Variants in LRMDA observed in about 807,000 individuals in gnomAD.
The protein encoded by LRMDA is leucine rich melanocyte differentiation associated.
In LRMDA, 18 loss-of-function variants were observed where a neutral mutation model predicts 29.8. The observed-to-expected ratio is 0.60, with a 90% CI of 0.42 to 0.90. The LOEUF is 0.90. Among genes scored for constraint, LRMDA ranks in the 40% least tolerant of loss-of-function variants. The pLI is 0.00. For synonymous variants in LRMDA, 125 were observed against 109.4 expected, an observed-to-expected ratio of 1.14 and a Z score of -0.89; for missense variants, 273 against 273.9, an observed-to-expected ratio of 1.00 and a Z score of 0.02.
At position 75,461,632 on chromosome 10, in the gene LRMDA, A is replaced by G. The variant is rs1844586896; in HGVS notation, c.131+23138A>G. 2.0e-5 allele frequency among the ~76,000 whole-genome samples: 3 copies of G among 152,314 alleles called. No homozygotes were observed. The South Asian group carries it at 6.2e-4, about 32-fold the overall frequency. Reference sequence around the variant, plus strand: ...ATAGGAGATGGAGGATGGGAGCTCAATGAGAAAAATAATCTTGAGCATCTT... The same window carrying G: ...ATAGGAGATGGAGGATGGGAGCTCAGTGAGAAAAATAATCTTGAGCATCTT... On this transcript the variant is annotated intron_variant, in intron 2 of 6. Coordinates refer to ENST00000611255, the MANE Select transcript of LRMDA (RefSeq NM_001305581.2).
chr10:75,626,771 T>C (rs1841255082), intron 2 of LRMDA, among the ~76,000 whole-genome samples: 1 of 152,202 alleles, frequency 6.6e-6, no homozygotes, highest in African/African-American at 2.4e-5. Context: ...ATCTTCTGCC[T>C]GTATGGCCTG....
chr10:75,625,332 G>A (rs550993780), intron 2 of LRMDA, among the ~76,000 whole-genome samples: 8 of 152,180 alleles, frequency 5.3e-5, no homozygotes, highest in South Asian at 2.1e-4. Context: ...GGAAACTGAG[G>A]CACAGACAGC....
chr10:75,451,711 C>G (rs529169278), intron 2 of LRMDA: 6 of 152,032 alleles, frequency 3.9e-5, no homozygotes, highest in African/African-American at 1.4e-4. Flanking sequence ...CATCCCCTAC[C>G]CTGCTTCTAA....
chr10:76,338,637 A>G (rs1840999362), intron 6 of LRMDA, among the ~76,000 whole-genome samples: 1 of 152,134 alleles, frequency 6.6e-6, no homozygotes, highest in South Asian at 2.1e-4. Flanking sequence ...GTTGGTACAA[A>G]TGTATTAAGT....
At chr10:75,876,151 G>C (rs1845194666) in intron 2 of LRMDA, among the ~76,000 whole-genome samples, 1 of 152,270 alleles carries the variant, frequency 6.6e-6, no homozygotes, top group Admixed American at 6.5e-5. Context: ...GGACCTGGTA[G>C]CAGGACACAT....
At chr10:75,720,443 A>G (rs1425503491) in intron 2 of LRMDA, among the ~76,000 whole-genome samples, 1 of 152,206 alleles carries the variant, frequency 6.6e-6, no homozygotes, top group African/African-American at 2.4e-5. Flanking sequence ...TTCTAAAATT[A>G]TTTCATGCAT....
chr10:76,058,833 G>A, intron 5 of LRMDA, 50 bp downstream of exon 5: 2 of 1,405,894 alleles, frequency 1.4e-6, no homozygotes, highest in Non-Finnish European at 2.0e-6. Context: ...TCTCATGGCA[G>A]TGCTTACACC....
At chr10:75,978,271 A>G (rs962388842) in intron 2 of LRMDA, among the ~76,000 whole-genome samples, 1 of 152,212 alleles carries the variant, frequency 6.6e-6, no homozygotes, top group Non-Finnish European at 1.5e-5. Context: ...TGATAATTTC[A>G]TGGTGTCATG....
chr10:75,685,884 C>T (rs184451524), intron 2 of LRMDA, among the ~76,000 whole-genome samples: 37 of 152,262 alleles, frequency 2.4e-4, no homozygotes, highest in South Asian at 4.2e-4. Context: ...TTGTATCTAT[C>T]GATTGCTTGA....
At chr10:76,041,405 A>G (rs915204230) in intron 3 of LRMDA, among the ~76,000 whole-genome samples, 1 of 152,212 alleles carries the variant, frequency 6.6e-6, no homozygotes, top group African/African-American at 2.4e-5. Context: ...ATCATGTACT[A>G]GCTGTGTGAC....
chr10:76,124,887 G>T (rs536566143), intron 5 of LRMDA, among the ~76,000 whole-genome samples: 1 of 152,226 alleles, frequency 6.6e-6, no homozygotes, highest in Non-Finnish European at 1.5e-5. Flanking sequence ...ATGAACAGCA[G>T]CTGGGAGCTG....
At chr10:75,742,117 C>A (rs1842837236) in intron 2 of LRMDA, among the ~76,000 whole-genome samples, 1 of 152,148 alleles carries the variant, frequency 6.6e-6, no homozygotes, top group African/African-American at 2.4e-5. Flanking sequence ...GTTATAACAG[C>A]CTGTACTGAC....
chr10:75,482,883 T>G lies in LRMDA; in HGVS notation c.131+44389T>G, dbSNP rs540089924. On this transcript the variant is annotated intron_variant, in intron 2 of 6. Transcript: ENST00000611255. Reference sequence around the variant, plus strand: ...GAATCATGGGGAAAACATATTCCATTTGCAATCTCGAAGCAAAAATATGTT... The same window carrying G: ...GAATCATGGGGAAAACATATTCCATGTGCAATCTCGAAGCAAAAATATGTT... Among the ~76,000 whole-genome samples, 69 of 152,312 alleles carry G rather than the reference T, an allele frequency of 4.5e-4. 1 individual carries two copies. In the South Asian group the frequency reaches 0.014, roughly 32 times the overall value.
intron 2 of LRMDA, among the ~76,000 whole-genome samples, chr10:75,677,482 A>G (rs560812594): frequency 2.9e-4 from 44 of 152,314 alleles, no homozygotes; most frequent in Admixed American, 6.5e-4. Flanking sequence ...CATTTTTTAA[A>G]AAAGCTACAG....
chr10:76,173,749 C>T (rs1268506167), intron 5 of LRMDA, among the ~76,000 whole-genome samples: 5 of 152,160 alleles, frequency 3.3e-5, no homozygotes, highest in Non-Finnish European at 7.3e-5. Context: ...CAACCTCCGC[C>T]TCCTGGGTTC....
At chr10:75,967,704 C>G (rs533786733) in intron 2 of LRMDA, among the ~76,000 whole-genome samples, 2 of 151,962 alleles carry the variant, frequency 1.3e-5, no homozygotes, top group South Asian at 4.2e-4. Context: ...GCTAAGCAGC[C>G]CAAGATGGAT....
intron 2 of LRMDA, among the ~76,000 whole-genome samples, chr10:75,545,936 A>G (rs1296995800): frequency 6.6e-6 from 1 of 152,196 alleles, no homozygotes; most frequent in Non-Finnish European, 1.5e-5. Context: ...TATAGTTTAT[A>G]ACGACCATGA....
At chr10:75,865,998 T>C (rs896281322) in intron 2 of LRMDA, among the ~76,000 whole-genome samples, 2 of 152,358 alleles carry the variant, frequency 1.3e-5, no homozygotes, top group Non-Finnish European at 2.9e-5. Flanking sequence ...TTTCATTTAG[T>C]AGTTAATCTT....
At chr10:75,677,087 T>C (rs939056021) in intron 2 of LRMDA, among the ~76,000 whole-genome samples, 1 of 152,224 alleles carries the variant, frequency 6.6e-6, no homozygotes. Context: ...CTGGACTGCA[T>C]TGCAGAAAAG....
Sources: gnomAD v4.1 joint callset for allele counts (sites outside exome capture counted in the v4.1 genomes callset) on GRCh38, gnomAD v4.1.1 for gene constraint, MANE v1.5 for transcripts, NCBI Gene and HGNC (gene_info 2026-07-23, HGNC 2026-07-21) for gene names.